METTL25: variants seen among roughly 807,000 people sequenced by gnomAD.
The protein encoded by METTL25 is methyltransferase like 25.
Under a neutral mutation model 71.6 loss-of-function variants are expected in METTL25, and 64 were observed. The observed-to-expected ratio is 0.89, with a 90% CI of 0.73 to 1.10. The LOEUF (loss-of-function observed/expected upper bound fraction) is 1.10. Ranked by LOEUF, METTL25 falls within the 50% of genes least tolerant of loss-of-function variation. The pLI is 0.00. For synonymous variants in METTL25, 287 were observed against 250.3 expected (o/e 1.15, Z -1.38); for missense variants, 807 against 707.0 (o/e 1.14, Z -1.60).
chr12:82,401,484 A>G (rs954974212), intron 4 of METTL25, among the ~76,000 whole-genome samples: 11 of 152,086 alleles, frequency 7.2e-5, no homozygotes, highest in Non-Finnish European at 1.2e-4. Context: ...TATTATCTCC[A>G]TCTTACAGTT....
At chr12:82,430,855 T>A in intron 5 of METTL25, 38 bp from the exon 6 acceptor site, 1 of 1,102,144 alleles carries the variant, frequency 9.1e-7, no homozygotes, top group Non-Finnish European at 1.3e-6. Context: ...AAAGAAAGAA[T>A]TTTATTTAAA....
chr12:82,376,003 A>T (rs1443503607), intron 1 of METTL25, among the ~76,000 whole-genome samples: 1 of 152,236 alleles, frequency 6.6e-6, no homozygotes, highest in Non-Finnish European at 1.5e-5. Flanking sequence ...AGCACAAAAC[A>T]AAATGGAAGA....
At chr12:82,361,293 C>T (rs1881839542) in intron 1 of METTL25, among the ~76,000 whole-genome samples, 1 of 152,184 alleles carries the variant, frequency 6.6e-6, no homozygotes, top group African/African-American at 2.4e-5. Context: ...TTTACAATCC[C>T]TTAGCTAGAC....
At chr12:82,466,423 A>G (rs1291465869) in intron 9 of METTL25, among the ~76,000 whole-genome samples, 1 of 147,648 alleles carries the variant, frequency 6.8e-6, no homozygotes, top group African/African-American at 2.5e-5. Flanking sequence ...CTTGTTATTG[A>G]TGTTTAGTTT....
At chr12:82,380,319 G>A (rs564547749) in intron 1 of METTL25, among the ~76,000 whole-genome samples, 29 of 152,120 alleles carry the variant, frequency 1.9e-4, no homozygotes, top group Admixed American at 7.2e-4. Flanking sequence ...TTTTATGGTT[G>A]CGTAGTATTC....
chr12:82,429,241 A>T (rs1486161520), intron 5 of METTL25, among the ~76,000 whole-genome samples: 3 of 151,520 alleles, frequency 2.0e-5, no homozygotes. Flanking sequence ...CTGTCATTCT[A>T]CTCCCTATCT....
At chr12:82,458,574 C>T (rs1165323298) in intron 9 of METTL25, among the ~76,000 whole-genome samples, 2 of 152,016 alleles carry the variant, frequency 1.3e-5, no homozygotes, top group Non-Finnish European at 1.5e-5. Flanking sequence ...AGAGACCACC[C>T]ACACCTTTGT....
chr12:82,402,730 A>G (rs1196349503), intron 4 of METTL25, among the ~76,000 whole-genome samples: 1 of 152,150 alleles, frequency 6.6e-6, no homozygotes, highest in East Asian at 1.9e-4. Flanking sequence ...TTTAAATTGA[A>G]AGATTTAAAA....
chr12:82,460,953 C>G (rs1288053849), intron 9 of METTL25, among the ~76,000 whole-genome samples: 1 of 152,140 alleles, frequency 6.6e-6, no homozygotes, highest in Non-Finnish European at 1.5e-5. Context: ...ACCATCCTGG[C>G]TAACACAGTG....
At chr12:82,440,959 A>G (rs531851933) in intron 8 of METTL25, among the ~76,000 whole-genome samples, 29 of 152,154 alleles carry the variant, frequency 1.9e-4, no homozygotes, top group Admixed American at 1.4e-3. Flanking sequence ...CAGTTCTGGA[A>G]TAGGCAACTG....
chr12:82,366,099 T>A (rs1034812454), intron 1 of METTL25, among the ~76,000 whole-genome samples: 11 of 152,078 alleles, frequency 7.2e-5, no homozygotes, highest in East Asian at 3.9e-4. Flanking sequence ...TTTAAAAAAA[T>A]TTTAAAAAAA....
At chr12:82,473,683 A>G (rs1277841373) in intron 9 of METTL25, among the ~76,000 whole-genome samples, 3 of 152,176 alleles carry the variant, frequency 2.0e-5, no homozygotes, top group Non-Finnish European at 4.4e-5. Flanking sequence ...ACCTGGCCTC[A>G]GAGCATGTCA....
At chr12:82,452,791 T>C (rs573216522) in intron 8 of METTL25, among the ~76,000 whole-genome samples, 21 of 152,326 alleles carry the variant, frequency 1.4e-4, no homozygotes, top group African/African-American at 4.6e-4. Context: ...CTGATATTTC[T>C]GTTTTCTGAA....
chr12:82,443,671 G>A (rs1890527586), intron 8 of METTL25, among the ~76,000 whole-genome samples: 1 of 152,130 alleles, frequency 6.6e-6, no homozygotes, highest in East Asian at 1.9e-4. Context: ...TTGGCTTATG[G>A]AGAGGGCCTC....
intron 5 of METTL25, among the ~76,000 whole-genome samples, chr12:82,424,467 A>G (rs1010127174): frequency 1.3e-5 from 2 of 152,144 alleles, no homozygotes; most frequent in Non-Finnish European, 2.9e-5. Flanking sequence ...GCATGCCAAC[A>G]TGGCACATGT....
intron 1 of METTL25, among the ~76,000 whole-genome samples, chr12:82,360,892 C>T (rs1425383898): frequency 6.6e-6 from 1 of 152,138 alleles, no homozygotes; most frequent in African/African-American, 2.4e-5. Context: ...GAGTTTCTTC[C>T]TTCTGGCGGG....
chr12:82,390,540 A>C (rs1885475463), intron 3 of METTL25, among the ~76,000 whole-genome samples: 1 of 152,066 alleles, frequency 6.6e-6, no homozygotes, highest in Non-Finnish European at 1.5e-5. Flanking sequence ...GTTTTTTCTT[A>C]TCTCTAGAAG....
chr12:82,417,060 T>C (rs1478398182), intron 5 of METTL25, among the ~76,000 whole-genome samples: 2 of 152,136 alleles, frequency 1.3e-5, no homozygotes, highest in African/African-American at 2.4e-5. Flanking sequence ...TGTGTCAATC[T>C]ACATGGCAAT....
chr12:82,444,671 G>GT (rs969581863), intron 8 of METTL25, among the ~76,000 whole-genome samples: 2 of 152,124 alleles, frequency 1.3e-5, no homozygotes, highest in Admixed American at 6.5e-5. Flanking sequence ...AGTTATAGAG[G>GT]TTTTTTTAGC....
Sources: allele counts gnomAD v4.1 joint callset (sites outside exome capture counted in the v4.1 genomes callset), GRCh38; gene constraint gnomAD v4.1.1; transcripts MANE v1.5; gene names NCBI Gene and HGNC (gene_info 2026-07-23, HGNC 2026-07-21).